The following TLN2 variants were observed in gnomAD, a reference collection of about 807,000 sequenced individuals.
TLN2 encodes talin-2.
TLN2 carries 118 observed loss-of-function variants against 294.7 expected under a neutral mutation model. The observed-to-expected ratio is 0.40, with a 90% CI of 0.34 to 0.47. The LOEUF (loss-of-function observed/expected upper bound fraction) is 0.47. Ranked by LOEUF, TLN2 falls within the 20% of genes least tolerant of loss-of-function variation. The pLI is 0.84. For missense variants in TLN2, 3,083 were observed against 3,282.2 expected (o/e 0.94, Z 1.48); for synonymous variants, 1,431 against 1,304.5 (o/e 1.10, Z -2.09).
chr15:62,430,812 A>G (rs1468490534), intron 1 of TLN2, among the ~76,000 whole-genome samples: 1 of 152,124 alleles, frequency 6.6e-6, no homozygotes, highest in Non-Finnish European at 1.5e-5. Flanking sequence ...TGAGTAATTC[A>G]GGATAAATTG....
chr15:62,633,508 T>C (rs975038003), intron 3 of TLN2, among the ~76,000 whole-genome samples: 3 of 152,172 alleles, frequency 2.0e-5, no homozygotes, highest in African/African-American at 7.2e-5. Context: ...TCTTGCTATG[T>C]TGCCCAGGCT....
At chr15:62,653,086 T>C (rs1170443434) in intron 6 of TLN2, 76 bp from the exon 7 acceptor site, 3 of 1,270,764 alleles carry the variant, frequency 2.4e-6, no homozygotes, top group African/African-American at 1.5e-5. Context: ...CTCCTTGGAA[T>C]ATCACAGGCC....
chr15:62,425,760 G>A (rs1414850820), intron 1 of TLN2, among the ~76,000 whole-genome samples: 1 of 152,202 alleles, frequency 6.6e-6, no homozygotes, highest in African/African-American at 2.4e-5. Flanking sequence ...GTTTCAGCCT[G>A]CCTGCCTTCT....
chr15:62,673,858 A>G lies in TLN2; in HGVS notation c.820A>G (p.Lys274Glu), dbSNP rs1201584517. 8.1e-6 allele frequency: 13 copies of G among 1,613,304 alleles called. No homozygotes were observed. The highest frequency in any genetic ancestry group is 1.1e-5 in the Non-Finnish European group (13 of 1,179,644). Residue 274 changes from lysine (K) to glutamate (E), a missense_variant, in exon 10 of 59, where the codon AAG becomes GAG. Physicochemically the swap from Lys to Glu is moderately conservative, Grantham distance 56. Coordinates refer to ENST00000636159, the MANE Select transcript of TLN2 (RefSeq NM_015059.3). Reference sequence around the variant, plus strand: ...GGAATTCCTGCCCAAAGAATATATCAAGCAGAGAGGAGCTGAAAAGAGGAT... The same window carrying G: ...GGAATTCCTGCCCAAAGAATATATCGAGCAGAGAGGAGCTGAAAAGAGGAT... ...LKEFLPKEYI[K>E]QRGAEKRIFQ... is the part of the protein sequence containing the mutation.
chr15:62,715,162 ACAGC>A (rs1237510076), intron 22 of TLN2, among the ~76,000 whole-genome samples: 1 of 152,272 alleles, frequency 6.6e-6, no homozygotes, highest in East Asian at 1.9e-4. Flanking sequence ...GAATTCTACC[ACAGC>A]TGTTAAAACT....
intron 1 of TLN2, among the ~76,000 whole-genome samples, chr15:62,569,897 A>C (rs969193315): frequency 3.3e-5 from 5 of 152,220 alleles, no homozygotes; most frequent in African/African-American, 1.2e-4. Context: ...AATCAAGCTA[A>C]AGTTAATCCC....
chr15:62,648,545 ATTTTTTT>A (rs749151123), intron 4 of TLN2, among the ~76,000 whole-genome samples: 4 of 120,650 alleles, frequency 3.3e-5, no homozygotes, highest in Admixed American at 1.9e-4. Flanking sequence ...GATGATGACG[ATTTTTTT>A]TTTTTTTTTT....
At position 62,753,765 on chromosome 15, in the gene TLN2, C is replaced by G. The variant is rs777219170; in HGVS notation, c.4333-8C>G. 6.3e-7 allele frequency: 1 copy of G among 1,597,648 alleles called. No individual in the cohort carries two copies. Among genetic ancestry groups the G allele is most frequent in the East Asian group, 2.3e-5 (1 of 44,328 alleles). On this transcript the variant is annotated splice_polypyrimidine_tract_variant and splice_region_variant and intron_variant, in intron 35 of 58. Coordinates refer to ENST00000636159, the MANE Select transcript of TLN2 (RefSeq NM_015059.3). ...GCCTGAGCTGTGGTTTTTCTCTTCC[C>G]TTTCTAGGCTGCATACTTGGTTGGC...
At chr15:62,793,139 A>T (rs2065197670) in intron 46 of TLN2, among the ~76,000 whole-genome samples, 2 of 152,174 alleles carry the variant, frequency 1.3e-5, no homozygotes, top group South Asian at 4.1e-4. Flanking sequence ...CTTTCCTGCA[A>T]CCTCTGTTGA....
chr15:62,485,777 A>G (rs1171426402), intron 1 of TLN2, among the ~76,000 whole-genome samples: 3 of 152,108 alleles, frequency 2.0e-5, no homozygotes, highest in Non-Finnish European at 4.4e-5. Context: ...GTCTGTCTGT[A>G]ATGCCTAGGA....
At position 62,677,278 on chromosome 15, in the gene TLN2, T is replaced by C. The variant is rs1484034404; in HGVS notation, c.957+1957T>C. ...CACTGATAATGGCATCAATTTCCAT[T>C]TATTTTCTTGAGTTTCCCTGTAGTC... On this transcript the variant is annotated intron_variant, in intron 11 of 58. Coordinates refer to ENST00000636159, the MANE Select transcript of TLN2 (RefSeq NM_015059.3). Among the ~76,000 whole-genome samples, 4 of 152,202 alleles carry C rather than the reference T, an allele frequency of 2.6e-5. 1 individual carries two copies. Among genetic ancestry groups the C allele is most frequent in the Admixed American group, 2.6e-4 (4 of 15,278 alleles).
chr15:62,586,235 G>T (rs895088343), intron 1 of TLN2, among the ~76,000 whole-genome samples: 3 of 152,226 alleles, frequency 2.0e-5, no homozygotes, highest in Admixed American at 1.3e-4. Context: ...CCCATGTGTT[G>T]TGGGAAGGGG....
intron 1 of TLN2, among the ~76,000 whole-genome samples, chr15:62,528,669 GC>G (rs2040864252): frequency 4.3e-5 from 4 of 93,582 alleles, no homozygotes; most frequent in Non-Finnish European, 6.2e-5. Flanking sequence ...TCCAGAGCTT[GC>G]TTTTTTTTTT....
At chr15:62,738,718 C>T (rs372848977) in intron 30 of TLN2, among the ~76,000 whole-genome samples, 1 of 152,146 alleles carries the variant, frequency 6.6e-6, no homozygotes, top group Non-Finnish European at 1.5e-5. Context: ...GGCCTGTTCC[C>T]TTCCCTGCTT....
intron 27 of TLN2, among the ~76,000 whole-genome samples, chr15:62,725,935 TAGAAAGCACTC>T (rs1394446837): frequency 2.0e-5 from 3 of 152,114 alleles, no homozygotes; most frequent in Non-Finnish European, 2.9e-5. Flanking sequence ...GCCTGGTACA[TAGAAAGCACTC>T]AGAAAATATG....
rs549759846 is a variant in TLN2 at position 62,708,856 on chromosome 15, C to G, written c.2467+60C>G. 5.6e-5 allele frequency: 86 copies of G among 1,526,416 alleles called. No homozygotes were observed. The South Asian group carries it at 1.0e-3, about 18-fold the overall frequency. The allele number at this position is 1,526,416 out of a possible 1,614,324, so 94.6% of individuals were successfully genotyped here. ...GCTTTTGATGTTCCTGATGGTGGTG[C>G]TAACCCATAGGGAAGGTGAAGGCTG... On this transcript the variant is annotated intron_variant, in intron 21 of 58. Coordinates refer to ENST00000636159, the MANE Select transcript of TLN2 (RefSeq NM_015059.3).
chr15:62,653,362 AG>A, intron 7 of TLN2, 48 bp downstream of exon 7: 1 of 1,561,610 alleles, frequency 6.4e-7, no homozygotes, highest in African/African-American at 1.4e-5. Context: ...GGCTTTGCTA[AG>A]CCTCACTTCC....
At chr15:62,562,435 G>T (rs1364405896) in intron 1 of TLN2, among the ~76,000 whole-genome samples, 1 of 152,152 alleles carries the variant, frequency 6.6e-6, no homozygotes. Flanking sequence ...AATCATACAG[G>T]TGCTGGTGCC....
At chr15:62,679,984 G>C (rs190382541) in intron 11 of TLN2, among the ~76,000 whole-genome samples, 2 of 152,274 alleles carry the variant, frequency 1.3e-5, no homozygotes, top group East Asian at 3.9e-4. Context: ...ATCTAGTTCA[G>C]CACATCTATA....
Sources: gnomAD v4.1 joint callset for allele counts (sites outside exome capture counted in the v4.1 genomes callset) on GRCh38, gnomAD v4.1.1 for gene constraint, MANE v1.5 for transcripts, NCBI Gene and HGNC (gene_info 2026-07-23, HGNC 2026-07-21) for gene names.